The following RBM26 variants were observed in gnomAD, a reference collection of about 807,000 sequenced individuals.
RBM26 encodes RNA-binding protein 26.
RBM26 carries 30 observed loss-of-function variants against 123.6 expected under a neutral mutation model. That is an observed-to-expected ratio of 0.24 (90% CI 0.18 to 0.33). The LOEUF is 0.33. Ranked by LOEUF, RBM26 falls within the 10% of genes least tolerant of loss-of-function variation. The pLI, the probability that RBM26 is intolerant of heterozygous loss-of-function variation, is 1.00. For missense variants in RBM26, 947 were observed against 1,203.6 expected (o/e 0.79, Z 3.15); for synonymous variants, 400 against 404.4 (o/e 0.99, Z 0.13).
At chr13:79,366,447 C>T (rs1254413936) in intron 7 of RBM26, among the ~76,000 whole-genome samples, 186 bp downstream of exon 7, 4 of 152,148 alleles carry the variant, frequency 2.6e-5, no homozygotes, top group African/African-American at 9.7e-5. Context: ...TCACTCCAAA[C>T]CATAGTAACT....
intron 14 of RBM26, 111 bp from the exon 15 acceptor site, chr13:79,344,905 A>G: frequency 1.1e-6 from 1 of 931,304 alleles, no homozygotes; most frequent in Non-Finnish European, 1.6e-6. Context: ...TTCAAAACAC[A>G]CTGAACTAAA....
chr13:79,388,493 T>C (rs2077671805), intron 1 of RBM26, among the ~76,000 whole-genome samples: 1 of 152,254 alleles, frequency 6.6e-6, no homozygotes, highest in South Asian at 2.1e-4. Flanking sequence ...CACTTCAGTA[T>C]AGCAATAAAA....
In RBM26 at chr13:79,319,294, CAA is replaced by C. The variant is rs2067428423; in HGVS notation, c.*1325_*1326del. ...TTTTTTAATATTATCACTATAATCTCAAGAGAGGCAGAAACACTTGCAATCAA... is the reference window on the plus strand; with the variant it reads ...TTTTTTAATATTATCACTATAATCTCGAGAGGCAGAAACACTTGCAATCAA... On this transcript the variant is annotated 3_prime_UTR_variant, in exon 22 of 22. Coordinates refer to ENST00000438737, the MANE Select transcript of RBM26 (RefSeq NM_001366735.2). 3 of 982,842 alleles carry C rather than the reference CAA, an allele frequency of 3.1e-6. No individual in the cohort carries two copies. Among genetic ancestry groups the C allele is most frequent in the South Asian group, 4.7e-5 (1 of 21,248 alleles). The allele number at this position is 982,842 out of a possible 1,614,324, so 60.9% of individuals were successfully genotyped here.
chr13:79,361,241 CCATA>C (rs2074647710), intron 9 of RBM26, among the ~76,000 whole-genome samples: 1 of 152,060 alleles, frequency 6.6e-6, no homozygotes, highest in Non-Finnish European at 1.5e-5. Flanking sequence ...CCCACATATG[CCATA>C]CATACAGAGA....
rs1593858972 is a variant in RBM26, at chr13:79,320,061, A to G, written c.*560T>C. 1.0e-6 allele frequency: 1 copy of G among 976,120 alleles called. No homozygotes were observed. The highest frequency in any genetic ancestry group is 6.5e-5 in the Admixed American group (1 of 15,306). The allele number at this position is 976,120 out of a possible 1,614,324, so 60.5% of individuals were successfully genotyped here. ...TCTGGATGCATAAGGACTCATGTAA[A>G]GCAGTCATACACCATTATCATTAAA... On this transcript the variant is annotated 3_prime_UTR_variant, in exon 22 of 22. Coordinates refer to ENST00000438737, the MANE Select transcript of RBM26 (RefSeq NM_001366735.2).
At chr13:79,375,504 CA>C in intron 3 of RBM26, among the ~76,000 whole-genome samples, 1 of 152,102 alleles carries the variant, frequency 6.6e-6, no homozygotes, top group South Asian at 2.1e-4. Context: ...AATCTGAAAC[CA>C]AACCAAAGTT....
chr13:79,360,774 C>T (rs2074587037), intron 9 of RBM26, among the ~76,000 whole-genome samples: 2 of 152,088 alleles, frequency 1.3e-5, no homozygotes, highest in African/African-American at 4.8e-5. Flanking sequence ...TTACTTTCAA[C>T]ATTTTATATT....
At chr13:79,335,547 T>G (rs557332528) in intron 19 of RBM26, among the ~76,000 whole-genome samples, 2 of 152,248 alleles carry the variant, frequency 1.3e-5, no homozygotes, top group South Asian at 4.1e-4. Context: ...TGTAAATTTT[T>G]TTTCCTCTGA....
At chr13:79,365,886 GTT>G (rs899425538) in intron 8 of RBM26, 167 bp downstream of exon 8, 17 of 954,932 alleles carry the variant, frequency 1.8e-5, no homozygotes, top group Non-Finnish European at 2.3e-5. Flanking sequence ...AAAAGAAAAT[GTT>G]TTTTTGAAAA....
At chr13:79,324,097 G>T (rs1344286749) in intron 20 of RBM26, among the ~76,000 whole-genome samples, 1 of 151,516 alleles carries the variant, frequency 6.6e-6, no homozygotes, top group Non-Finnish European at 1.5e-5. Context: ...AAAATTTCAG[G>T]CCACGTAATG....
At chr13:79,373,420 AT>A (rs2076251686) in intron 3 of RBM26, among the ~76,000 whole-genome samples, 2 of 10,766 alleles carry the variant, frequency 1.9e-4, no homozygotes, top group African/African-American at 1.3e-3. Context: ...CTATATATAA[AT>A]AAAATATAAA....
intron 1 of RBM26, among the ~76,000 whole-genome samples, chr13:79,401,623 G>C (rs114018732): frequency 1.8e-3 from 279 of 152,276 alleles, no homozygotes; most frequent in Middle Eastern, 6.8e-3. Flanking sequence ...AATTCTAACA[G>C]TAGCAACAGT....
At chr13:79,327,448 TCGA>T (rs1451957660) in intron 20 of RBM26, among the ~76,000 whole-genome samples, 1 of 152,130 alleles carries the variant, frequency 6.6e-6, no homozygotes, top group Non-Finnish European at 1.5e-5. Flanking sequence ...ACTATTATTA[TCGA>T]TGTTTTTAAC....
chr13:79,341,703 G>T (rs1008250025), intron 17 of RBM26, among the ~76,000 whole-genome samples: 4 of 151,728 alleles, frequency 2.6e-5, no homozygotes, highest in Non-Finnish European at 5.9e-5. Flanking sequence ...AGGGAAAGGG[G>T]TCTTTTATGT....
At chr13:79,376,412 T>C (rs1276429513) in intron 3 of RBM26, 2 of 152,274 alleles carry the variant, frequency 1.3e-5, no homozygotes, top group African/African-American at 4.8e-5. Flanking sequence ...TAACCCAGAC[T>C]GGTCTCAAAC....
intron 20 of RBM26, among the ~76,000 whole-genome samples, chr13:79,334,139 T>C (rs972338467): frequency 6.6e-6 from 1 of 152,200 alleles, no homozygotes; most frequent in Non-Finnish European, 1.5e-5. Context: ...TGACTAAATA[T>C]GTATTTTAAT....
intron 1 of RBM26, among the ~76,000 whole-genome samples, chr13:79,389,267 A>G (rs6563103): frequency 0.99 from 150,240 of 152,232 alleles, 74,179 homozygotes; most frequent in East Asian, 1. Context: ...CTGAAGTACT[A>G]GATTTAAACC....
At position 79,353,240 on chromosome 13, in the gene RBM26, T is replaced by A. The variant is rs780986989; in HGVS notation, c.1987-16A>T. The stretch of plus-strand genomic sequence containing the variant: ...TAGTTACATTCTAAAAAAATTAAAA[T>A]GGACATATTCAGTGTTTCCCCAAAC... On this transcript the variant is annotated splice_polypyrimidine_tract_variant and intron_variant, in intron 13 of 21. Coordinates refer to ENST00000438737, the MANE Select transcript of RBM26 (RefSeq NM_001366735.2). The A allele has an allele frequency of 6.9e-7, 1 of 1,444,306 alleles. No homozygotes were observed. The highest frequency in any genetic ancestry group is 1.2e-5 in the South Asian group (1 of 81,864). 89.5% of individuals were successfully genotyped at this position (1,444,306 alleles called of 1,614,324 possible). A position where few individuals can be genotyped will look rare whatever the true frequency, so the allele number is the denominator to read the frequency against.
At chr13:79,393,117 CT>C (rs1177035861) in intron 1 of RBM26, among the ~76,000 whole-genome samples, 1 of 152,208 alleles carries the variant, frequency 6.6e-6, no homozygotes, top group East Asian at 1.9e-4. Flanking sequence ...CAAGGAACTA[CT>C]AGCTTCCAGC....
Sources: allele counts gnomAD v4.1 joint callset (sites outside exome capture counted in the v4.1 genomes callset), GRCh38; gene constraint gnomAD v4.1.1; transcripts MANE v1.5; gene names NCBI Gene and HGNC (gene_info 2026-07-23, HGNC 2026-07-21).